The following USP24 variants were observed in gnomAD, a reference collection of about 807,000 sequenced individuals.
USP24 encodes ubiquitin carboxyl-terminal hydrolase 24.
A neutral mutation model predicts 361.6 loss-of-function variants in USP24; 97 were observed. The ratio of observed to expected loss-of-function variants is 0.27; its 90% CI spans 0.23 to 0.32. The LOEUF is 0.32. Ranked by LOEUF, USP24 falls within the 10% of genes least tolerant of loss-of-function variation. USP24 has a pLI of 1.00. For synonymous variants in USP24, 1,098 were observed against 1,124.6 expected (o/e 0.98, Z 0.47); for missense variants, 2,353 against 3,165.6 (o/e 0.74, Z 6.16).
intron 54 of USP24, among the ~76,000 whole-genome samples, chr1:55,091,353 G>A (rs541009832): frequency 3.1e-4 from 47 of 152,252 alleles, no homozygotes; most frequent in Admixed American, 8.5e-4. Context: ...TAGGCTGTGC[G>A]TTCCCTATGA....
intron 36 of USP24, 29 bp downstream of exon 36, chr1:55,123,418 G>T: frequency 2.0e-6 from 3 of 1,523,794 alleles, no homozygotes; most frequent in Non-Finnish European, 2.6e-6. Context: ...CCCTGAAAGA[G>T]ATTAATCACA....
At chr1:55,081,458 T>C in intron 58 of USP24, 34 bp from the exon 59 acceptor site, 1 of 1,586,332 alleles carries the variant, frequency 6.3e-7, no homozygotes, top group East Asian at 2.2e-5. Flanking sequence ...GCTGTTAGTG[T>C]TGTCGTCAGA....
chr1:55,118,910 T>C lies in USP24; in HGVS notation c.4508+1686A>G, dbSNP rs894323973. On this transcript the variant is annotated intron_variant, in intron 38 of 67. Transcript: ENST00000294383. Reference sequence around the variant, plus strand: ...CAAAACGAAACAAAAACAAAAATCCTAGAAAACAACAAGCGTTGGCTAAGA... The same window carrying C: ...CAAAACGAAACAAAAACAAAAATCCCAGAAAACAACAAGCGTTGGCTAAGA... Among the ~76,000 whole-genome samples the C allele has an allele frequency of 2.0e-5, 3 of 152,168 alleles. No individual in the cohort carries two copies. In the East Asian group the frequency reaches 5.8e-4, roughly 29 times the overall value.
intron 24 of USP24, among the ~76,000 whole-genome samples, chr1:55,139,527 T>C (rs921488351): frequency 1.3e-5 from 2 of 152,334 alleles, no homozygotes; most frequent in African/African-American, 4.8e-5. Flanking sequence ...TTATGGAATC[T>C]TACTTATCAT....
In USP24 at chr1:55,079,574, C is replaced by T. The variant is rs773020478; in HGVS notation, c.7164G>A (p.Leu2388=). ...AAGGTTTCCCTTCAGACATGAACAACAAGGCTTCTACCTCCTCATGGAGGG... is the reference window on the plus strand; with the variant it reads ...AAGGTTTCCCTTCAGACATGAACAATAAGGCTTCTACCTCCTCATGGAGGG... ...LLPLHEEVEA[L]LFMSEGKPYL... Residue 2388 remains leucine, a synonymous_variant, in exon 60 of 68, where the codon TTG becomes TTA. Coordinates refer to ENST00000294383, the MANE Select transcript of USP24 (RefSeq NM_015306.3). The T allele has an allele frequency of 1.9e-6, 3 of 1,575,850 alleles. No individual in the cohort carries two copies. The highest frequency in any genetic ancestry group is 2.6e-6 in the Non-Finnish European group (3 of 1,167,320).
chr1:55,109,832 G>A (rs889192622), intron 39 of USP24, among the ~76,000 whole-genome samples: 2 of 152,184 alleles, frequency 1.3e-5, no homozygotes, highest in East Asian at 1.9e-4. Flanking sequence ...TCAACATGCC[G>A]CAACAAAGAG....
At chr1:55,127,588 A>T (rs928070567) in intron 32 of USP24, among the ~76,000 whole-genome samples, 2 of 152,126 alleles carry the variant, frequency 1.3e-5, no homozygotes, top group Non-Finnish European at 2.9e-5. Flanking sequence ...TACCCAGTAA[A>T]GGGATGGCTG....
chr1:55,120,785 C>G, intron 37 of USP24, 29 bp from the exon 38 acceptor site: 1 of 1,537,770 alleles, frequency 6.5e-7, no homozygotes, highest in Non-Finnish European at 8.8e-7. Flanking sequence ...CAGCAAAGGA[C>G]AGACATGAAT....
At chr1:55,202,248 G>C (rs921194160) in intron 1 of USP24, among the ~76,000 whole-genome samples, 2 of 152,218 alleles carry the variant, frequency 1.3e-5, no homozygotes, top group East Asian at 3.9e-4. Context: ...AAACCTGCAA[G>C]TATATAATAC....
chr1:55,139,107 C>T (rs946146330), intron 24 of USP24, 97 bp from the exon 25 acceptor site: 5 of 1,084,372 alleles, frequency 4.6e-6, no homozygotes, highest in African/African-American at 3.2e-5. Flanking sequence ...TAACAGTTAG[C>T]ACTCACTGGT....
chr1:55,110,371 A>G (rs1163463235), intron 38 of USP24, 125 bp from the exon 39 acceptor site: 8 of 686,346 alleles, frequency 1.2e-5, no homozygotes, highest in Non-Finnish European at 1.6e-5. Flanking sequence ...AACTACTTTT[A>G]TATTAACTCA....
At chr1:55,071,587 A>C (rs1413526610) in intron 67 of USP24, 1 of 1,280,410 alleles carries the variant, frequency 7.8e-7, no homozygotes, top group Admixed American at 3.0e-5. Context: ...GGCCAGCCAC[A>C]AACACCTCGA....
At chr1:55,140,660 T>C (rs1413640521) in intron 24 of USP24, among the ~76,000 whole-genome samples, 1 of 152,274 alleles carries the variant, frequency 6.6e-6, no homozygotes, top group East Asian at 1.9e-4. Context: ...GAATATCCCG[T>C]TGTGAATAAG....
Position 55,092,039 on chromosome 1 carries a change from TC to T in USP24, c.6537del (p.Thr2180GlnfsTer30). ...AIQFLFQTYLRTKKKLRVDTE... is the reference protein window; with the variant it reads ...AIQFLFQTYLXTKKKLRVDTE... ...ACTTCTCACCTGAGTTTCTTCTTTG[TC>T]CGTAGATAAGTTTGAAAAAGGAATT... On this transcript the variant is annotated frameshift_variant, in exon 54 of 68. Coordinates refer to ENST00000294383, the MANE Select transcript of USP24 (RefSeq NM_015306.3). LOFTEE classifies it high-confidence loss of function. 6.2e-7 allele frequency: 1 copy of T among 1,610,468 alleles called. No individual in the cohort carries two copies. Among genetic ancestry groups the T allele is most frequent in the Non-Finnish European group, 8.5e-7 (1 of 1,178,056 alleles).
In USP24 at chr1:55,107,431, C is replaced by A. The variant is rs1480380960; in HGVS notation, c.4571-1G>T. The A allele has an allele frequency of 3.8e-6, 6 of 1,568,128 alleles. No homozygotes were observed. Among genetic ancestry groups the A allele is most frequent in the Admixed American group, 4.1e-5 (2 of 48,762 alleles). ...ATCCTTAACTGCTCCATTTCTGAAG[C>A]TAAGAAGGAAAAAAAAAATCCATTA... On this transcript the variant is annotated splice_acceptor_variant, in intron 39 of 67. Transcript: ENST00000294383. LOFTEE classifies it high-confidence loss of function.
chr1:55,135,998 A>C (rs1199115481), intron 28 of USP24, among the ~76,000 whole-genome samples: 1 of 152,234 alleles, frequency 6.6e-6, no homozygotes, highest in East Asian at 1.9e-4. Flanking sequence ...AGCAGTGAAC[A>C]AAACAGAAGA....
rs746924047 is a variant in USP24, at chr1:55,096,991, G to T, written c.5897C>A (p.Ala1966Glu). ...LVGVIVHSGQ[A>E]HAGHYYSFIK... ...GAAGGAATAGTAGTGGCCTGCGTGT[G>T]CCTGCCCACTGTGTACGATGACACC... The change falls in exon 49 of 68, where the codon GCA becomes GAA. Residue 1966 changes from alanine (A) to glutamate (E), a missense_variant. Transcript: ENST00000294383. 1 of 1,613,836 alleles carries T rather than the reference G, an allele frequency of 6.2e-7. No individual in the cohort carries two copies. Among genetic ancestry groups the T allele is most frequent in the Non-Finnish European group, 8.5e-7 (1 of 1,179,852 alleles).
In USP24 at chr1:55,146,201, C is replaced by T. The variant is rs191939031; in HGVS notation, c.2251-92G>A. ...GGAAAAGTAAAGATACATTTTAATA[C>T]TTCAAATGTTTATACTGTCAAAATA... On this transcript the variant is annotated intron_variant, in intron 19 of 67. Transcript: ENST00000294383. 2.9e-4 allele frequency: 249 copies of T among 864,222 alleles called. No individual in the cohort carries two copies. The African/African-American group carries it at 3.8e-3, about 13-fold the overall frequency. The allele number at this position is 864,222 out of a possible 1,614,324, so 53.5% of individuals were successfully genotyped here. A position where few individuals can be genotyped will look rare whatever the true frequency, so the allele number is the denominator to read the frequency against.
At chr1:55,206,592 C>T (rs949639938) in intron 1 of USP24, among the ~76,000 whole-genome samples, 1 of 148,632 alleles carries the variant, frequency 6.7e-6, no homozygotes, top group South Asian at 2.2e-4. Flanking sequence ...CAAGATTATT[C>T]CACAATTAAA....
Sources: gnomAD v4.1 joint callset for allele counts (sites outside exome capture counted in the v4.1 genomes callset) on GRCh38, gnomAD v4.1.1 for gene constraint, MANE v1.5 for transcripts, NCBI Gene and HGNC (gene_info 2026-07-23, HGNC 2026-07-21) for gene names.